Variants in NYAP2 observed in about 807,000 individuals in gnomAD.
NYAP2 encodes neuronal tyrosine-phosphorylated phosphoinositide-3-kinase adaptor 2.
A neutral mutation model predicts 50.4 loss-of-function variants in NYAP2; 23 were observed. The observed-to-expected ratio is 0.46, with a 90% confidence interval of 0.33 to 0.65. The LOEUF (loss-of-function observed/expected upper bound fraction) is 0.65. Among genes scored for constraint, NYAP2 ranks in the 30% least tolerant of loss-of-function variants. NYAP2 has a pLI of 0.02. For missense variants in NYAP2, 885 were observed against 861.0 expected (o/e 1.03, Z -0.35); for synonymous variants, 394 against 365.2 (o/e 1.08, Z -0.90).
chr2:225,607,420 G>A (rs554858264), intron 5 of NYAP2, among the ~76,000 whole-genome samples: 1 of 152,222 alleles, frequency 6.6e-6, no homozygotes, highest in African/African-American at 2.4e-5. Flanking sequence ...ACATATGTTT[G>A]AGTCCTGTGG....
At chr2:225,647,261 G>A (rs1401118805) in intron 6 of NYAP2, among the ~76,000 whole-genome samples, 1 of 152,160 alleles carries the variant, frequency 6.6e-6, no homozygotes, top group Non-Finnish European at 1.5e-5. Context: ...GGGTTCTGAT[G>A]GATGCTTTGC....
Position 225,408,814 on chromosome 2 carries a change from T to A in NYAP2, c.-17-50T>A, listed in dbSNP as rs758789076. On this transcript the variant is annotated intron_variant, in intron 2 of 6. Transcript: ENST00000636099. Reference sequence around the variant, plus strand: ...TTGTTAGGGATAATAAACAGCACCTTGCTTTTTTCCCCACCCTGGATAAAA... The same window carrying A: ...TTGTTAGGGATAATAAACAGCACCTAGCTTTTTTCCCCACCCTGGATAAAA... The A allele has an allele frequency of 1.3e-4, 137 of 1,015,062 alleles. No homozygotes were observed. The Middle Eastern group carries it at 1.7e-3, about 13-fold the overall frequency. 62.9% of individuals were successfully genotyped at this position (1,015,062 alleles called of 1,614,324 possible). A position where few individuals can be genotyped will look rare whatever the true frequency, so the allele number is the denominator to read the frequency against.
chr2:225,617,543 TG>T (rs990032994), intron 5 of NYAP2, among the ~76,000 whole-genome samples: 1 of 152,204 alleles, frequency 6.6e-6, no homozygotes, highest in African/African-American at 2.4e-5. Flanking sequence ...GAATGACAGT[TG>T]AATCCTTTTA....
intron 4 of NYAP2, among the ~76,000 whole-genome samples, chr2:225,518,575 T>G (rs1690983248): frequency 1.9e-5 from 1 of 52,326 alleles, no homozygotes; most frequent in African/African-American, 6.4e-5. Flanking sequence ...TATATTAGCG[T>G]GTGCGCTTAT....
chr2:225,505,882 A>G (rs956318101), intron 3 of NYAP2, among the ~76,000 whole-genome samples: 1 of 152,100 alleles, frequency 6.6e-6, no homozygotes, highest in Non-Finnish European at 1.5e-5. Flanking sequence ...TTCATTCACA[A>G]TGGGAAGAAG....
chr2:225,651,864 TTCTC>T (rs1693739136), exon 7 of NYAP2: 3 of 258,586 alleles, frequency 1.2e-5, no homozygotes, highest in Admixed American at 1.0e-4. Flanking sequence ...TTTAAATTCT[TTCTC>T]TCTTTCATGT....
At chr2:225,484,302 G>A (rs980529074) in intron 3 of NYAP2, among the ~76,000 whole-genome samples, 1 of 152,134 alleles carries the variant, frequency 6.6e-6, no homozygotes, top group African/African-American at 2.4e-5. Context: ...CAGTGTACAC[G>A]TCCCAAATGA....
chr2:225,525,873 A>T (rs1433704008), intron 4 of NYAP2, among the ~76,000 whole-genome samples: 1 of 152,128 alleles, frequency 6.6e-6, no homozygotes, highest in Non-Finnish European at 1.5e-5. Flanking sequence ...CTGCTGTACT[A>T]CTTCTGTATC....
At chr2:225,667,301 A>G in the NYAP2 span, among the ~76,000 whole-genome samples, 1 of 152,120 alleles carries the variant, frequency 6.6e-6, no homozygotes, top group Non-Finnish European at 1.5e-5. Context: ...AAATATAAAT[A>G]TCATATATAT....
chr2:225,549,126 C>A (rs1019344158), intron 4 of NYAP2, among the ~76,000 whole-genome samples: 11 of 152,268 alleles, frequency 7.2e-5, no homozygotes, highest in African/African-American at 2.6e-4. Flanking sequence ...AGTGATCCAT[C>A]CACTTGGGCC....
At position 225,633,353 on chromosome 2, in the gene NYAP2, G is replaced by A. The variant is rs186741591; in HGVS notation, c.1828+6227G>A. ...ATATTATAAAACCCTTGGTTTCTGC[G>A]TGTTCAACTTTCTGTGCTTCTGCTG... On this transcript the variant is annotated intron_variant, in intron 6 of 6. Transcript: ENST00000636099. Among the ~76,000 whole-genome samples, 128 of 152,282 alleles carry A rather than the reference G, an allele frequency of 8.4e-4. 1 individual carries two copies. Among genetic ancestry groups the A allele is most frequent in the African/African-American group, 3.0e-3 (124 of 41,562 alleles).
intron 5 of NYAP2, among the ~76,000 whole-genome samples, chr2:225,613,723 A>G (rs2106249126): frequency 6.6e-6 from 1 of 152,298 alleles, no homozygotes; most frequent in South Asian, 2.1e-4. Context: ...AGAAGACATT[A>G]ACTTTTTTTA....
intron 3 of NYAP2, among the ~76,000 whole-genome samples, chr2:225,468,990 T>A (rs1378046218): frequency 1.3e-5 from 2 of 152,130 alleles, no homozygotes; most frequent in Non-Finnish European, 2.9e-5. Flanking sequence ...ACCTAATAAA[T>A]GGCAACAAAA....
the NYAP2 span, among the ~76,000 whole-genome samples, chr2:225,692,870 TAC>T: frequency 0.044 from 5,837 of 132,490 alleles, 161 homozygotes; most frequent in Middle Eastern, 0.089. Context: ...TCTTTAAACA[TAC>T]ACACACACAC....
At chr2:225,417,821 A>T (rs1321288889) in intron 3 of NYAP2, among the ~76,000 whole-genome samples, 1 of 152,146 alleles carries the variant, frequency 6.6e-6, no homozygotes, top group African/African-American at 2.4e-5. Context: ...CATTAAGCAT[A>T]TATTGGGCAT....
chr2:225,406,717 T>C (rs1694945558), intron 2 of NYAP2, among the ~76,000 whole-genome samples: 1 of 152,130 alleles, frequency 6.6e-6, no homozygotes, highest in South Asian at 2.1e-4. Flanking sequence ...TTTTTGTTTT[T>C]AAAAAATGCA....
intron 3 of NYAP2, among the ~76,000 whole-genome samples, chr2:225,426,813 A>C (rs1206415909): frequency 6.6e-6 from 1 of 152,298 alleles, no homozygotes; most frequent in Admixed American, 6.5e-5. Flanking sequence ...AGAGCACTGC[A>C]GTTTTAAGGG....
chr2:225,513,583 G>C, exon 4 of NYAP2: 1 of 1,600,050 alleles, frequency 6.2e-7, no homozygotes, highest in Non-Finnish European at 8.5e-7. Context: ...AAACCCAAGA[G>C]GGACCCCAGC....
At chr2:225,477,185 T>C in intron 3 of NYAP2, among the ~76,000 whole-genome samples, 1 of 151,838 alleles carries the variant, frequency 6.6e-6, no homozygotes. Flanking sequence ...ATGGGCATCT[T>C]GTTAAAAGGC....
Sources: gnomAD v4.1 joint callset for allele counts (sites outside exome capture counted in the v4.1 genomes callset) on GRCh38, gnomAD v4.1.1 for gene constraint, MANE v1.5 for transcripts, NCBI Gene and HGNC (gene_info 2026-07-23, HGNC 2026-07-21) for gene names.